C1orf87: variants seen among roughly 807,000 people sequenced by gnomAD.
The protein encoded by C1orf87 is uncharacterized protein C1orf87.
In C1orf87, 58 loss-of-function variants were observed where a neutral mutation model predicts 60.5. The ratio of observed to expected loss-of-function variants is 0.96; its 90% CI spans 0.78 to 1.19. The LOEUF (loss-of-function observed/expected upper bound fraction) is 1.19, where lower values mean the gene tolerates loss of function less well. Among genes scored for constraint, C1orf87 ranks in the 50% most tolerant of loss-of-function variants. C1orf87 has a pLI of 0.00. For missense variants in C1orf87, 673 were observed against 638.6 expected, an observed-to-expected ratio of 1.05 and a Z score of -0.58; for synonymous variants, 236 against 227.4, an observed-to-expected ratio of 1.04 and a Z score of -0.34.
intron 2 of C1orf87, among the ~76,000 whole-genome samples, chr1:60,068,230 C>T (rs1645562006): frequency 6.6e-6 from 1 of 152,160 alleles, no homozygotes; most frequent in Admixed American, 6.5e-5. Flanking sequence ...TCATGCTAAG[C>T]TCAAACACAG....
chr1:60,007,971 C>T (rs1286593775), intron 9 of C1orf87, among the ~76,000 whole-genome samples: 1 of 152,012 alleles, frequency 6.6e-6, no homozygotes, highest in Non-Finnish European at 1.5e-5. Flanking sequence ...AATGCCCCTC[C>T]TTCACTTTGA....
intron 3 of C1orf87, among the ~76,000 whole-genome samples, chr1:60,041,561 C>A (rs1357918296): frequency 6.6e-6 from 1 of 152,092 alleles, no homozygotes; most frequent in Admixed American, 6.6e-5. Flanking sequence ...ATATTATACT[C>A]TAGGAGTAAT....
intron 2 of C1orf87, among the ~76,000 whole-genome samples, chr1:60,058,515 G>A (rs1308034959): frequency 6.6e-6 from 1 of 152,146 alleles, no homozygotes; most frequent in African/African-American, 2.4e-5. Context: ...ACTATGGTTT[G>A]CAATGTTTAC....
At chr1:60,004,406 A>G (rs1645028376) in intron 9 of C1orf87, among the ~76,000 whole-genome samples, 1 of 152,016 alleles carries the variant, frequency 6.6e-6, no homozygotes, top group South Asian at 2.1e-4. Flanking sequence ...TTCCCCAGAG[A>G]AGAGAAACTA....
chr1:60,002,665 TGTTGCCATTGCTTTTG>T (rs1235868466), intron 9 of C1orf87, among the ~76,000 whole-genome samples: 1 of 152,114 alleles, frequency 6.6e-6, no homozygotes, highest in Non-Finnish European at 1.5e-5. Flanking sequence ...TTTTGTCTTT[TGTTGCCATTGCTTTTG>T]GTGTTTTAGA....
chr1:60,051,309 T>C (rs887033682), intron 3 of C1orf87, among the ~76,000 whole-genome samples: 20 of 152,226 alleles, frequency 1.3e-4, no homozygotes, highest in Admixed American at 1.2e-3. Context: ...AGAGATAGCA[T>C]ATATATCCCT....
At chr1:60,061,706 A>G (rs1007245920) in intron 2 of C1orf87, among the ~76,000 whole-genome samples, 7 of 143,638 alleles carry the variant, frequency 4.9e-5, no homozygotes, top group African/African-American at 1.5e-4. Context: ...TGGGAGGCCT[A>G]GGTAAGAAGA....
chr1:60,053,530 C>T (rs2100316336), intron 3 of C1orf87, among the ~76,000 whole-genome samples: 1 of 152,108 alleles, frequency 6.6e-6, no homozygotes, highest in East Asian at 1.9e-4. Flanking sequence ...CTCACAGAAC[C>T]ATTAAAGATG....
At chr1:60,020,953 C>A (rs1297000465) in intron 8 of C1orf87, among the ~76,000 whole-genome samples, 1 of 152,132 alleles carries the variant, frequency 6.6e-6, no homozygotes, top group Non-Finnish European at 1.5e-5. Context: ...GTGATTGGAT[C>A]ATGAGGGCAG....
At chr1:60,027,325 G>C (rs1054921354) in intron 7 of C1orf87, among the ~76,000 whole-genome samples, 2 of 152,126 alleles carry the variant, frequency 1.3e-5, no homozygotes, top group Admixed American at 1.3e-4. Context: ...TACAGAGCCT[G>C]CTGGTTATGC....
intron 6 of C1orf87, among the ~76,000 whole-genome samples, chr1:60,034,548 G>C (rs967438182): frequency 1.3e-5 from 2 of 152,170 alleles, no homozygotes; most frequent in Non-Finnish European, 2.9e-5. Context: ...AGCTTTGCAA[G>C]ATAAAGCCCT....
intron 8 of C1orf87, among the ~76,000 whole-genome samples, chr1:60,021,582 C>A (rs747495666): frequency 6.6e-6 from 1 of 152,070 alleles, no homozygotes; most frequent in Non-Finnish European, 1.5e-5. Context: ...TATCCCCAAC[C>A]CCCAATTCAG....
At chr1:60,019,208 A>T (rs956339388) in intron 8 of C1orf87, among the ~76,000 whole-genome samples, 4 of 152,074 alleles carry the variant, frequency 2.6e-5, no homozygotes, top group African/African-American at 4.8e-5. Flanking sequence ...TGTTCTCATG[A>T]TAGTTTTCAC....
intron 2 of C1orf87, among the ~76,000 whole-genome samples, chr1:60,058,706 T>G (rs937847504): frequency 1.3e-5 from 2 of 152,198 alleles, no homozygotes; most frequent in African/African-American, 4.8e-5. Flanking sequence ...TTACATGGCT[T>G]TTCAGTAGTG....
chr1:60,061,801 AAT>A (rs1645498600), intron 2 of C1orf87, among the ~76,000 whole-genome samples: 3 of 150,788 alleles, frequency 2.0e-5, no homozygotes, highest in South Asian at 2.1e-4. Context: ...AAAAAAAAAA[AAT>A]AGCTGGGCTT....
At chr1:60,052,815 A>C (rs911801313) in intron 3 of C1orf87, among the ~76,000 whole-genome samples, 4 of 152,158 alleles carry the variant, frequency 2.6e-5, no homozygotes, top group African/African-American at 9.7e-5. Flanking sequence ...TCCATTTACC[A>C]CTTAGTCAAG....
intron 9 of C1orf87, among the ~76,000 whole-genome samples, chr1:60,009,542 G>A (rs1645068168): frequency 6.6e-6 from 1 of 151,866 alleles, no homozygotes; most frequent in Non-Finnish European, 1.5e-5. Flanking sequence ...CCAATCCCCT[G>A]TAGTAAATTC....
chr1:60,068,203 G>T (rs964980617), intron 2 of C1orf87, among the ~76,000 whole-genome samples: 1 of 152,006 alleles, frequency 6.6e-6, no homozygotes, highest in Non-Finnish European at 1.5e-5. Context: ...ACATCTCTCT[G>T]TCTGAATACC....
At chr1:60,056,016 C>T (rs639310) in intron 2 of C1orf87, among the ~76,000 whole-genome samples, 59,614 of 151,834 alleles carry the variant, frequency 0.39, 12,203 homozygotes, top group South Asian at 0.48. Context: ...GAGGCTGAGG[C>T]GGGTGGATCA....
Sources: allele counts gnomAD v4.1 joint callset (sites outside exome capture counted in the v4.1 genomes callset), GRCh38; gene constraint gnomAD v4.1.1; transcripts MANE v1.5; gene names NCBI Gene and HGNC (gene_info 2026-07-23, HGNC 2026-07-21).